CALN1: variants seen among roughly 807,000 people sequenced by gnomAD.
CALN1 encodes the protein calcium-binding protein 8.
A neutral mutation model predicts 30.6 loss-of-function variants in CALN1; 17 were observed. The observed-to-expected ratio is 0.56, with a 90% CI of 0.38 to 0.83. The LOEUF (loss-of-function observed/expected upper bound fraction) is 0.83, where lower values mean the gene tolerates loss of function less well. Ranked by LOEUF, CALN1 falls within the 40% of genes least tolerant of loss-of-function variation. CALN1 has a pLI of 0.00. For missense variants in CALN1, 291 were observed against 354.9 expected, an observed-to-expected ratio of 0.82 and a Z score of 1.45; for synonymous variants, 156 against 131.4, an observed-to-expected ratio of 1.19 and a Z score of -1.28.
In CALN1 at chr7:72,004,940, G is replaced by C. The variant is rs186583381; in HGVS notation, c.501+18717C>G. 5.3e-5 allele frequency among the ~76,000 whole-genome samples: 8 copies of C among 152,266 alleles called. No individual in the cohort carries two copies. In the South Asian group the frequency reaches 1.7e-3, roughly 32 times the overall value. ...ATCAGAGAAATGCAAAACTGCAGTT[G>C]AGAGATCACTCCACACCTACCAGAA... On this transcript the variant is annotated intron_variant, in intron 5 of 6. Transcript: ENST00000395275.
chr7:72,194,143 C>T (rs1790822028), intron 3 of CALN1, among the ~76,000 whole-genome samples: 2 of 152,204 alleles, frequency 1.3e-5, no homozygotes, highest in African/African-American at 4.8e-5. Flanking sequence ...TGCAGAATCA[C>T]CATTGTTTAT....
At chr7:72,200,369 T>A (rs916959273) in intron 3 of CALN1, among the ~76,000 whole-genome samples, 1 of 152,168 alleles carries the variant, frequency 6.6e-6, no homozygotes, top group African/African-American at 2.4e-5. Context: ...AGTGCCTACC[T>A]CATATTTTAA....
chr7:72,337,052 C>T (rs1459304495), intron 2 of CALN1: 3 of 985,508 alleles, frequency 3.0e-6, no homozygotes, highest in Non-Finnish European at 3.6e-6. Flanking sequence ...CGCTCCTCTA[C>T]CCCTCCCGCT....
intron 2 of CALN1, among the ~76,000 whole-genome samples, chr7:72,297,176 C>T (rs553524748): frequency 6.6e-6 from 1 of 152,202 alleles, no homozygotes; most frequent in Non-Finnish European, 1.5e-5. Flanking sequence ...GCCTTCATTT[C>T]ATTATGTACC....
At chr7:71,895,833 T>C (rs1410388580) in intron 5 of CALN1, among the ~76,000 whole-genome samples, 1 of 152,210 alleles carries the variant, frequency 6.6e-6, no homozygotes, top group Non-Finnish European at 1.5e-5. Context: ...TGTGGAACTA[T>C]CACTTTTAAT....
chr7:72,257,936 T>C (rs1796019792), intron 3 of CALN1, among the ~76,000 whole-genome samples: 1 of 151,950 alleles, frequency 6.6e-6, no homozygotes, highest in Non-Finnish European at 1.5e-5. Context: ...TGCTTAAGAA[T>C]GATATAATGA....
chr7:71,846,998 A>T (rs1417814744), intron 5 of CALN1, among the ~76,000 whole-genome samples: 1 of 149,662 alleles, frequency 6.7e-6, no homozygotes, highest in Non-Finnish European at 1.5e-5. Flanking sequence ...ACACATATAT[A>T]TATATTGCTT....
chr7:72,371,512 C>T (rs1265723795), intron 2 of CALN1, among the ~76,000 whole-genome samples: 2 of 152,152 alleles, frequency 1.3e-5, no homozygotes, highest in Non-Finnish European at 2.9e-5. Flanking sequence ...TTCCTGCCAT[C>T]ATGTGAAGAA....
chr7:72,184,652 C>T (rs373840334), intron 3 of CALN1, among the ~76,000 whole-genome samples: 2 of 152,070 alleles, frequency 1.3e-5, no homozygotes, highest in African/African-American at 4.8e-5. Context: ...GTTCTTTTTC[C>T]ACTGCTTCCT....
chr7:71,809,341 A>G (rs1296817637), intron 6 of CALN1, among the ~76,000 whole-genome samples: 1 of 151,634 alleles, frequency 6.6e-6, no homozygotes, highest in Non-Finnish European at 1.5e-5. Context: ...CAAGCACACT[A>G]GCCTCCCCCC....
At chr7:72,187,286 G>C (rs191486259) in intron 3 of CALN1, among the ~76,000 whole-genome samples, 1 of 152,230 alleles carries the variant, frequency 6.6e-6, no homozygotes, top group East Asian at 1.9e-4. Flanking sequence ...GTAAGTGGTA[G>C]AAAACTACTA....
At chr7:72,293,064 C>A (rs1170227774) in intron 2 of CALN1, among the ~76,000 whole-genome samples, 2 of 151,740 alleles carry the variant, frequency 1.3e-5, no homozygotes, top group East Asian at 3.9e-4. Flanking sequence ...TGAGTTTCCC[C>A]TTCCTTCCTT....
intron 5 of CALN1, among the ~76,000 whole-genome samples, chr7:71,843,024 T>G (rs1027591006): frequency 1.3e-5 from 2 of 152,210 alleles, no homozygotes; most frequent in Non-Finnish European, 2.9e-5. Flanking sequence ...ATTTCATTTT[T>G]TTCTCTGCTA....
chr7:72,323,675 TA>T (rs111443754), intron 2 of CALN1, among the ~76,000 whole-genome samples: 2 of 139,154 alleles, frequency 1.4e-5, no homozygotes, highest in African/African-American at 2.8e-5. Context: ...AAAAAAAAAA[TA>T]AAAAATAAAG....
chr7:72,255,769 C>T (rs10215010), intron 3 of CALN1, among the ~76,000 whole-genome samples: 27,676 of 148,644 alleles, frequency 0.19, 3,593 homozygotes, highest in East Asian at 0.43. Context: ...CTCACCCTGT[C>T]GCCCAGGCTG....
At chr7:72,311,631 C>T (rs1300120659) in intron 2 of CALN1, among the ~76,000 whole-genome samples, 1 of 149,702 alleles carries the variant, frequency 6.7e-6, no homozygotes, top group East Asian at 2.0e-4. Context: ...AGGCACATGC[C>T]ACCACAACGC....
chr7:72,483,128 T>C, the CALN1 span, among the ~76,000 whole-genome samples: 1 of 152,136 alleles, frequency 6.6e-6, no homozygotes, highest in African/African-American at 2.4e-5. Flanking sequence ...TGTCTGCTTT[T>C]CCTCTGGCTG....
At chr7:71,852,471 TAA>T (rs35252557) in intron 5 of CALN1, among the ~76,000 whole-genome samples, 67 of 118,572 alleles carry the variant, frequency 5.7e-4, no homozygotes, top group South Asian at 4.7e-3. Context: ...ACCCTGTCTC[TAA>T]AAAAAAAAAA....
intron 6 of CALN1, among the ~76,000 whole-genome samples, chr7:71,790,412 GA>G (rs1562780367): frequency 1.9e-4 from 28 of 146,702 alleles, no homozygotes; most frequent in African/African-American, 6.8e-4. Flanking sequence ...AAGAAAGAAA[GA>G]AAGAAAGAAA....
Sources: gnomAD v4.1 joint callset for allele counts (sites outside exome capture counted in the v4.1 genomes callset) on GRCh38, gnomAD v4.1.1 for gene constraint, MANE v1.5 for transcripts, NCBI Gene and HGNC (gene_info 2026-07-23, HGNC 2026-07-21) for gene names.